THOP1: variants seen among roughly 807,000 people sequenced by gnomAD.
THOP1 encodes the protein thimet oligopeptidase 1, also known as thimet oligopeptidase.
Under a neutral mutation model 71.8 loss-of-function variants are expected in THOP1, and 49 were observed. The ratio of observed to expected loss-of-function variants is 0.68; its 90% CI spans 0.54 to 0.87. The LOEUF (loss-of-function observed/expected upper bound fraction) is 0.87. Ranked by LOEUF, THOP1 falls within the 40% of genes least tolerant of loss-of-function variation. The pLI is 0.00. For missense variants in THOP1, 843 were observed against 975.6 expected (o/e 0.86, Z 1.81); for synonymous variants, 426 against 421.5 (o/e 1.01, Z -0.13).
In THOP1 at chr19:2,805,104, C is replaced by A; in HGVS notation, c.678C>A (p.Pro226=). 1 of 1,612,878 alleles carries A rather than the reference C, an allele frequency of 6.2e-7. No individual in the cohort carries two copies. The highest frequency in any genetic ancestry group is 8.5e-7 in the Non-Finnish European group (1 of 1,179,842). The change falls in exon 6 of 13, where the codon CCC becomes CCA. Residue 226 remains proline, a synonymous_variant. Transcript: ENST00000307741. This position sits in a 1 kb window ranked among gnomAD's most constrained non-coding sequence, Gnocchi z 6.6. ...KVTLKYPHYF[P]LLKKCHVPET... is the part of the protein sequence containing the mutation. Reference sequence around the variant, plus strand: ...CCCTCAAGTACCCCCATTACTTCCCCCTCCTGAAGAAATGCCACGTGCCTG... The same window carrying A: ...CCCTCAAGTACCCCCATTACTTCCCACTCCTGAAGAAATGCCACGTGCCTG...
chr19:2,812,660 G>A (rs537072770), intron 12 of THOP1, among the ~76,000 whole-genome samples: 153 of 152,324 alleles, frequency 1.0e-3, no homozygotes, highest in Admixed American at 2.2e-3. Flanking sequence ...GGGGCTCTGG[G>A]GCGTCGGGGT....
intron 2 of THOP1, among the ~76,000 whole-genome samples, chr19:2,793,939 C>G (rs534987211): frequency 6.6e-6 from 1 of 151,594 alleles, no homozygotes; most frequent in African/African-American, 2.4e-5. Flanking sequence ...GATGTGTGTT[C>G]ATGTCTCCTG....
rs921943963 is a variant in THOP1 at position 2,804,897 on chromosome 19, G to T, written c.590-119G>T. 3 of 1,027,314 alleles carry T rather than the reference G, an allele frequency of 2.9e-6. No individual in the cohort carries two copies. Among genetic ancestry groups the T allele is most frequent in the Non-Finnish European group, 4.1e-6 (3 of 729,396 alleles). 63.6% of individuals were successfully genotyped at this position (1,027,314 alleles called of 1,614,324 possible). A position where few individuals can be genotyped will look rare whatever the true frequency, so the allele number is the denominator to read the frequency against. On this transcript the variant is annotated intron_variant, in intron 5 of 12. Coordinates refer to ENST00000307741, the MANE Select transcript of THOP1 (RefSeq NM_003249.5). The surrounding 1 kb of genome is among the most constrained non-coding windows in gnomAD (Gnocchi z 4.7). The stretch of plus-strand genomic sequence containing the variant: ...GGTGGTGGCCAGGCTGCAGCTGCTC[G>T]CTGAGGGCCCCCTTGTAGCTTTCCA...
chr19:2,810,161 C>G, intron 9 of THOP1, 143 bp from the exon 10 acceptor site: 2,220 of 978,324 alleles, frequency 2.3e-3, no homozygotes, highest in East Asian at 4.8e-3. Context: ...CGGTCGTTTT[C>G]CAGTTTTGGG....
chr19:2,813,209 A>G lies in THOP1; in HGVS notation c.2003A>G (p.Gln668Arg), dbSNP rs1916527979. ...LRRFLGRDPK[Q>R]DAFLLSKGLQ... Reference sequence around the variant, plus strand: ...CGCTTCCTGGGCCGTGACCCCAAGCAGGACGCCTTCCTCCTGAGCAAGGGG... The same window carrying G: ...CGCTTCCTGGGCCGTGACCCCAAGCGGGACGCCTTCCTCCTGAGCAAGGGG... Residue 668 changes from glutamine (Q) to arginine (R), a missense_variant, in exon 13 of 13, where the codon CAG (glutamine) becomes CGG (arginine). Transcript: ENST00000307741. 1 of 1,612,466 alleles carries G rather than the reference A, an allele frequency of 6.2e-7. No individual in the cohort carries two copies. Among genetic ancestry groups the G allele is most frequent in the Non-Finnish European group, 8.5e-7 (1 of 1,179,792 alleles).
intron 6 of THOP1, chr19:2,806,610 T>C: frequency 2.4e-6 from 1 of 413,962 alleles, no homozygotes; most frequent in Non-Finnish European, 4.3e-6. Flanking sequence ...GGCCTGGACA[T>C]GGAGGTGTCC....
intron 1 of THOP1, among the ~76,000 whole-genome samples, chr19:2,786,535 G>A (rs1915746719): frequency 6.6e-6 from 1 of 151,466 alleles, no homozygotes; most frequent in African/African-American, 2.4e-5. Flanking sequence ...ACTGTACCCA[G>A]CCAAGACCCT....
At chr19:2,792,629 A>AATT (rs1336863354) in intron 2 of THOP1, among the ~76,000 whole-genome samples, 1 of 151,710 alleles carries the variant, frequency 6.6e-6, no homozygotes, top group African/African-American at 2.4e-5. Context: ...TTTTAAAAAA[A>AATT]ATTATTATTA....
chr19:2,785,532 C>A lies in THOP1; in HGVS notation c.-131C>A, dbSNP rs777053130. 1.1e-5 allele frequency: 12 copies of A among 1,077,726 alleles called. No homozygotes were observed. Among genetic ancestry groups the A allele is most frequent in the Non-Finnish European group, 1.2e-6 (1 of 820,738 alleles). The allele number at this position is 1,077,726 out of a possible 1,614,324, so 66.8% of individuals were successfully genotyped here. Reference sequence around the variant, plus strand: ...TGCCCCGGGAGCGCGGGCGGCGGGCCCCTTGGTCCTCAGGCGGCCGTGGCG... The same window carrying A: ...TGCCCCGGGAGCGCGGGCGGCGGGCACCTTGGTCCTCAGGCGGCCGTGGCG... On this transcript the variant is annotated 5_prime_UTR_variant, in exon 1 of 13. Transcript: ENST00000307741.
At chr19:2,807,840 C>G in intron 8 of THOP1, 32 bp downstream of exon 8, 1 of 1,432,976 alleles carries the variant, frequency 7.0e-7, no homozygotes, top group Non-Finnish European at 9.1e-7. Context: ...GGGGGGCGCA[C>G]CCCGGCCCTG....
At position 2,806,583 on chromosome 19, in the gene THOP1, G is replaced by C. The variant is rs556992659; in HGVS notation, c.751-334G>C. Reference sequence around the variant, plus strand: ...TTGCTGGTGGCGATAGGCAGAGCCCGTGAGACTGGGAACCAAGGCCTGGAC... The same window carrying C: ...TTGCTGGTGGCGATAGGCAGAGCCCCTGAGACTGGGAACCAAGGCCTGGAC... On this transcript the variant is annotated intron_variant, in intron 6 of 12. Transcript: ENST00000307741. The C allele has an allele frequency of 3.1e-5, 11 of 355,794 alleles. No individual in the cohort carries two copies. The South Asian group carries it at 3.9e-4, about 13-fold the overall frequency. 22.0% of individuals were successfully genotyped at this position (355,794 alleles called of 1,614,324 possible).
At chr19:2,797,055 C>T (rs573090097) in intron 4 of THOP1, among the ~76,000 whole-genome samples, 2 of 152,168 alleles carry the variant, frequency 1.3e-5, no homozygotes, top group Non-Finnish European at 1.5e-5. Flanking sequence ...ACTGGCAGCT[C>T]GCCACATGGG....
At chr19:2,795,811 G>A (rs1916000346) in intron 3 of THOP1, among the ~76,000 whole-genome samples, 1 of 152,216 alleles carries the variant, frequency 6.6e-6, no homozygotes, top group African/African-American at 2.4e-5. Flanking sequence ...ATACCGACCT[G>A]GAGACCACCA....
chr19:2,799,965 G>T (rs1158278771), intron 5 of THOP1, among the ~76,000 whole-genome samples, 174 bp downstream of exon 5: 1 of 152,214 alleles, frequency 6.6e-6, no homozygotes, highest in Non-Finnish European at 1.5e-5. Flanking sequence ...CACCGGAAGC[G>T]CTCCAGGGCC....
At position 2,794,974 on chromosome 19, in the gene THOP1, C is replaced by A. The variant is rs375777140; in HGVS notation, c.378+62C>A. On this transcript the variant is annotated intron_variant, in intron 3 of 12. Coordinates refer to ENST00000307741, the MANE Select transcript of THOP1 (RefSeq NM_003249.5). The stretch of plus-strand genomic sequence containing the variant: ...AAGTAACTAGGATTACAGGCGCCCG[C>A]CACCACACCCGGCTAATTTTTGTAT... The A allele has an allele frequency of 3.5e-5, 54 of 1,563,154 alleles. 2 individuals carry two copies. In the East Asian group the frequency reaches 6.4e-4, roughly 19 times the overall value.
Position 2,805,326 on chromosome 19 carries a change from T to A in THOP1, c.750+150T>A. 2 of 962,516 alleles carry A rather than the reference T, an allele frequency of 2.1e-6. No individual in the cohort carries two copies. Among genetic ancestry groups the A allele is most frequent in the Non-Finnish European group, 3.0e-6 (2 of 667,956 alleles). 59.6% of individuals were successfully genotyped at this position (962,516 alleles called of 1,614,324 possible). ...GCCCAGTGGCCAGCAGAGGCCTCCC[T>A]GTGGGGCTCTGCCGTGCCCTGGAGG... On this transcript the variant is annotated intron_variant, in intron 6 of 12. Transcript: ENST00000307741. The surrounding 1 kb of genome is among the most constrained non-coding windows in gnomAD (Gnocchi z 6.6).
chr19:2,812,113 G>C, intron 12 of THOP1: 2 of 1,396,476 alleles, frequency 1.4e-6, no homozygotes, highest in South Asian at 3.0e-5. Context: ...GGATCTGCGT[G>C]ATCGGCCTCA....
At chr19:2,791,358 T>C (rs73920873) in intron 2 of THOP1, among the ~76,000 whole-genome samples, 1 of 152,316 alleles carries the variant, frequency 6.6e-6, no homozygotes, top group African/African-American at 2.4e-5. Flanking sequence ...GCCTTTTTGC[T>C]GGGAACCATC....
chr19:2,810,566 G>T (rs980096641), intron 10 of THOP1, 74 bp from the exon 11 acceptor site: 1 of 1,525,808 alleles, frequency 6.6e-7, no homozygotes. Context: ...TGTGCCCCGG[G>T]TGGGGGTCGG....
Sources: gnomAD v4.1 joint callset for allele counts (sites outside exome capture counted in the v4.1 genomes callset) on GRCh38, gnomAD v4.1.1 for gene constraint, Gnocchi (gnomAD v3.1) non-coding constraint, MANE v1.5 for transcripts, NCBI Gene and HGNC (gene_info 2026-07-23, HGNC 2026-07-21) for gene names.